Variants in MSRB3 observed in about 807,000 individuals in gnomAD.
The protein encoded by MSRB3 is methionine sulfoxide reductase B3, also known as methionine-R-sulfoxide reductase B3.
Under a neutral mutation model 21.0 loss-of-function variants are expected in MSRB3, and 13 were observed. The ratio of observed to expected loss-of-function variants is 0.62; its 90% confidence interval spans 0.40 to 0.98. The LOEUF is 0.98. Among genes scored for constraint, MSRB3 ranks in the 50% least tolerant of loss-of-function variants. The pLI, the probability that MSRB3 is intolerant of heterozygous loss-of-function variation, is 0.00. For missense variants in MSRB3, 199 were observed against 230.3 expected (o/e 0.86, Z 0.88); for synonymous variants, 87 against 88.6 (o/e 0.98, Z 0.10).
rs533318133 is a variant in MSRB3 at position 65,354,310 on chromosome 12, C to T, written c.264-14688C>T. Among the ~76,000 whole-genome samples the T allele has an allele frequency of 1.9e-4, 29 of 152,158 alleles. No homozygotes were observed. In the East Asian group the frequency reaches 4.9e-3, roughly 25 times the overall value. On this transcript the variant is annotated intron_variant, in intron 4 of 6. Transcript: ENST00000308259. ...TGGGGAAGTTCTCCTGGATAATATC[C>T]TGCAGAGTGTTTTCCAACTTGGTTC...
chr12:65,446,684 G>A (rs1459641166), intron 5 of MSRB3, among the ~76,000 whole-genome samples: 1 of 152,068 alleles, frequency 6.6e-6, no homozygotes, highest in African/African-American at 2.4e-5. Flanking sequence ...AAGAGAATTG[G>A]AGTGGGGTAG....
chr12:65,455,243 T>C (rs1387189127), intron 6 of MSRB3, among the ~76,000 whole-genome samples: 1 of 118,734 alleles, frequency 8.4e-6, no homozygotes, highest in Non-Finnish European at 1.9e-5. Context: ...TTTGTTTTTA[T>C]TAAAAAAAAA....
intron 5 of MSRB3, among the ~76,000 whole-genome samples, chr12:65,424,855 T>G (rs1331785384): frequency 6.7e-6 from 1 of 149,556 alleles, no homozygotes; most frequent in Non-Finnish European, 1.5e-5. Flanking sequence ...AAGTCCGGTG[T>G]TTCCTTATTG....
At chr12:65,349,079 C>A (rs1000227157) in intron 4 of MSRB3, among the ~76,000 whole-genome samples, 1 of 151,894 alleles carries the variant, frequency 6.6e-6, no homozygotes, top group African/African-American at 2.4e-5. Flanking sequence ...CCACCACAGT[C>A]CCCAGAGTGT....
chr12:65,370,706 C>G (rs888686636), intron 5 of MSRB3, among the ~76,000 whole-genome samples: 8 of 151,956 alleles, frequency 5.3e-5, no homozygotes, highest in African/African-American at 1.9e-4. Context: ...ATCTTTCACT[C>G]TTGTGACCAA....
intron 5 of MSRB3, among the ~76,000 whole-genome samples, chr12:65,441,140 C>T (rs1167326146): frequency 2.0e-5 from 3 of 151,914 alleles, no homozygotes; most frequent in Non-Finnish European, 4.4e-5. Context: ...CAACACTCTT[C>T]ATGTGATGAC....
At chr12:65,392,268 G>T (rs561671485) in intron 5 of MSRB3, among the ~76,000 whole-genome samples, 10 of 152,206 alleles carry the variant, frequency 6.6e-5, no homozygotes, top group African/African-American at 2.4e-4. Context: ...TGAACTGCTG[G>T]TCAGCCTTAG....
intron 4 of MSRB3, among the ~76,000 whole-genome samples, chr12:65,362,879 A>C (rs1182690161): frequency 1.3e-5 from 2 of 152,156 alleles, no homozygotes; most frequent in Non-Finnish European, 2.9e-5. Context: ...TGGTCGGTGA[A>C]GGCCTTTGAG....
chr12:65,421,227 T>G (rs1301344276), intron 5 of MSRB3, among the ~76,000 whole-genome samples: 1 of 150,706 alleles, frequency 6.6e-6, no homozygotes, highest in East Asian at 1.9e-4. Flanking sequence ...ACTATTGACC[T>G]TTTTTTCATG....
chr12:65,439,942 CT>C (rs1349034227), intron 5 of MSRB3, among the ~76,000 whole-genome samples: 3 of 151,660 alleles, frequency 2.0e-5, no homozygotes, highest in African/African-American at 7.3e-5. Flanking sequence ...AGATACTTGC[CT>C]TTCCTGATAT....
chr12:65,317,835 G>T (rs1874398480), intron 2 of MSRB3, among the ~76,000 whole-genome samples: 1 of 152,212 alleles, frequency 6.6e-6, no homozygotes, highest in East Asian at 1.9e-4. Flanking sequence ...ACATAGCCAA[G>T]ATCATTATTT....
At chr12:65,346,674 GA>G (rs1876531485) in intron 4 of MSRB3, among the ~76,000 whole-genome samples, 1 of 152,116 alleles carries the variant, frequency 6.6e-6, no homozygotes, top group African/African-American at 2.4e-5. Flanking sequence ...CCTATGTCCT[GA>G]ATGGTATTGC....
rs982981023 is a variant in MSRB3 at position 65,459,723 on chromosome 12, A to G, written c.391-3432A>G. ...AATAATAAAGCCCAAACATCCTAGG[A>G]ATAGCTAGGAGAAAAACCTCTAAGA... On this transcript the variant is annotated intron_variant, in intron 6 of 6. Transcript: ENST00000308259. Among the ~76,000 whole-genome samples, 6 of 152,324 alleles carry G rather than the reference A, an allele frequency of 3.9e-5. No individual in the cohort carries two copies. The South Asian group carries it at 1.2e-3, about 32-fold the overall frequency.
chr12:65,424,917 C>T (rs1015446076), intron 5 of MSRB3, among the ~76,000 whole-genome samples: 5 of 26,142 alleles, frequency 1.9e-4, no homozygotes, highest in African/African-American at 6.5e-4. Context: ...TATTGAAACT[C>T]TTTGTTATTA....
At chr12:65,440,134 G>A (rs910629188) in intron 5 of MSRB3, among the ~76,000 whole-genome samples, 2 of 151,624 alleles carry the variant, frequency 1.3e-5, no homozygotes, top group African/African-American at 2.4e-5. Flanking sequence ...CTGTTTAGAA[G>A]AAAATAAAAT....
At chr12:65,413,467 T>A (rs12300957) in intron 5 of MSRB3, among the ~76,000 whole-genome samples, 2,091 of 152,296 alleles carry the variant, frequency 0.014, 43 homozygotes, top group African/African-American at 0.048. Context: ...TTGGGATAAC[T>A]TTTTAGTACT....
intron 5 of MSRB3, among the ~76,000 whole-genome samples, chr12:65,428,168 T>A (rs577502767): frequency 6.6e-6 from 1 of 152,338 alleles, no homozygotes; most frequent in South Asian, 2.1e-4. Context: ...ATTGTTGTCA[T>A]CTGCAGAGCA....
chr12:65,360,099 C>T (rs966878803), intron 4 of MSRB3, among the ~76,000 whole-genome samples: 1 of 152,054 alleles, frequency 6.6e-6, no homozygotes, highest in Non-Finnish European at 1.5e-5. Context: ...GTCTTAATTT[C>T]CTCTTTTTAT....
At chr12:65,282,638 C>A (rs1872098493) in intron 1 of MSRB3, among the ~76,000 whole-genome samples, 1 of 151,382 alleles carries the variant, frequency 6.6e-6, no homozygotes, top group African/African-American at 2.4e-5. Context: ...AGAACATTCC[C>A]TGTCTCTAGT....
Sources: allele counts gnomAD v4.1 joint callset (sites outside exome capture counted in the v4.1 genomes callset), GRCh38; gene constraint gnomAD v4.1.1; transcripts MANE v1.5; gene names NCBI Gene and HGNC (gene_info 2026-07-23, HGNC 2026-07-21).